Variants in ZDHHC17 observed in about 807,000 individuals in gnomAD.
The protein encoded by ZDHHC17 is zDHHC palmitoyltransferase 17, also known as palmitoyltransferase ZDHHC17.
ZDHHC17 carries 40 observed loss-of-function variants against 90.3 expected under a neutral mutation model. The ratio of observed to expected loss-of-function variants is 0.44; its 90% confidence interval spans 0.34 to 0.58. ZDHHC17 has a LOEUF of 0.58. Among genes scored for constraint, ZDHHC17 ranks in the 20% least tolerant of loss-of-function variants. The probability of loss-of-function intolerance (pLI) is 0.01; values close to 1 mark genes in which losing one functional copy is unlikely to be tolerated. For synonymous variants in ZDHHC17, 235 were observed against 252.4 expected, an observed-to-expected ratio of 0.93 and a Z score of 0.65; for missense variants, 614 against 780.8, an observed-to-expected ratio of 0.79 and a Z score of 2.55.
At position 76,788,688 on chromosome 12, in the gene ZDHHC17, A is replaced by ATTTTTTTTTTT. The variant is rs763269507; in HGVS notation, c.94-8730_94-8720dup. ...AAAATATATTTAAGTTGGAATCGCA[A>ATTTTTTTTTTT]TTTTTTTTTTTTTTTTTTTTTTTTT... is the stretch of plus-strand genomic sequence containing the variant. On this transcript the variant is annotated intron_variant, in intron 1 of 16. Coordinates refer to ENST00000426126, the MANE Select transcript of ZDHHC17 (RefSeq NM_015336.4). Among the ~76,000 whole-genome samples the ATTTTTTTTTTT allele has an allele frequency of 2.6e-3, 257 of 98,660 alleles. 29 individuals are homozygous for ATTTTTTTTTTT. Among genetic ancestry groups the ATTTTTTTTTTT allele is most frequent in the Middle Eastern group, 8.6e-3 (1 of 116 alleles). The allele number at this position is 98,660 out of a possible 152,430, so 64.7% of individuals were successfully genotyped here.
chr12:76,848,054 G>C (rs938610964), intron 14 of ZDHHC17, among the ~76,000 whole-genome samples, 179 bp from the exon 15 acceptor site: 1 of 151,844 alleles, frequency 6.6e-6, no homozygotes, highest in Non-Finnish European at 1.5e-5. Context: ...TTCCATTTCT[G>C]TGTTTTTTCA....
At chr12:76,832,406 T>C (rs967960227) in intron 10 of ZDHHC17, among the ~76,000 whole-genome samples, 2 of 152,234 alleles carry the variant, frequency 1.3e-5, no homozygotes, top group African/African-American at 4.8e-5. Context: ...TAGTTGTTTT[T>C]CATTATTCAC....
chr12:76,773,192 G>A (rs190805755), intron 1 of ZDHHC17, among the ~76,000 whole-genome samples: 1 of 152,160 alleles, frequency 6.6e-6, no homozygotes, highest in African/African-American at 2.4e-5. Flanking sequence ...ATGTGTGTCC[G>A]CCATTATGTT....
chr12:76,791,288 C>T (rs1160779535), intron 1 of ZDHHC17, among the ~76,000 whole-genome samples: 1 of 152,078 alleles, frequency 6.6e-6, no homozygotes, highest in Non-Finnish European at 1.5e-5. Context: ...TGCTTATGCC[C>T]TCTTTTTATT....
At chr12:76,829,455 C>CAAAAAAAAAAAAAAAA (rs58051393) in intron 10 of ZDHHC17, among the ~76,000 whole-genome samples, 2 of 71,904 alleles carry the variant, frequency 2.8e-5, no homozygotes, top group African/African-American at 1.3e-4. Flanking sequence ...GACTATGTCT[C>CAAAAAAAAAAAAAAAA]AAAAAAAAAA....
In ZDHHC17 at chr12:76,853,372, A is replaced by G. The variant is rs1953586824; in HGVS notation, c.*2387A>G. The G allele has an allele frequency of 6.6e-6, 1 of 152,584 alleles. No individual in the cohort carries two copies. The allele number at this position is 152,584 out of a possible 1,614,324, so 9.5% of individuals were successfully genotyped here. A position where few individuals can be genotyped will look rare whatever the true frequency, so the allele number is the denominator to read the frequency against. On this transcript the variant is annotated 3_prime_UTR_variant, in exon 17 of 17. Transcript: ENST00000426126. ...TTTGGGAATAGTTCTTATCAACTTA[A>G]TTGGATACTTTTAGCAAATAGGAAC...
At chr12:76,779,678 GAA>G (rs1409959749) in intron 1 of ZDHHC17, among the ~76,000 whole-genome samples, 2 of 152,110 alleles carry the variant, frequency 1.3e-5, no homozygotes, top group Non-Finnish European at 2.9e-5. Flanking sequence ...TAATTTTGAT[GAA>G]GTCTATTCGA....
At chr12:76,844,261 T>C (rs1288763362) in intron 12 of ZDHHC17, 4 of 152,166 alleles carry the variant, frequency 2.6e-5, no homozygotes, top group African/African-American at 9.6e-5. Flanking sequence ...TATTATATAT[T>C]ATTTATAAGC....
intron 2 of ZDHHC17, among the ~76,000 whole-genome samples, chr12:76,804,064 C>T (rs1289085015): frequency 6.6e-6 from 1 of 152,166 alleles, no homozygotes. Flanking sequence ...AAAAGCTTTA[C>T]AAGGTTTGAC....
intron 1 of ZDHHC17, among the ~76,000 whole-genome samples, chr12:76,784,828 A>G (rs1025895169): frequency 5.9e-5 from 9 of 152,242 alleles, no homozygotes; most frequent in African/African-American, 2.2e-4. Context: ...AGTCAAAGCA[A>G]TGGCTACCAG....
At chr12:76,778,503 A>G (rs962748960) in intron 1 of ZDHHC17, among the ~76,000 whole-genome samples, 9 of 152,182 alleles carry the variant, frequency 5.9e-5, no homozygotes, top group African/African-American at 2.2e-4. Flanking sequence ...GATTACAGGC[A>G]TGAGCCACTG....
intron 1 of ZDHHC17, chr12:76,769,260 A>G (rs145823543): frequency 1.8e-5 from 3 of 165,884 alleles, no homozygotes; most frequent in South Asian, 2.4e-4. Flanking sequence ...GGGTTTCACC[A>G]TGTTGGCCAG....
intron 3 of ZDHHC17, 44 bp downstream of exon 3, chr12:76,805,483 A>G (rs746073039): frequency 3.0e-6 from 4 of 1,347,386 alleles, no homozygotes; most frequent in Non-Finnish European, 4.0e-6. Flanking sequence ...TTGACTTTTT[A>G]TGGTTATAAA....
At chr12:76,765,647 A>G (rs1318307035) in intron 1 of ZDHHC17, among the ~76,000 whole-genome samples, 1 of 152,242 alleles carries the variant, frequency 6.6e-6, no homozygotes. Flanking sequence ...AGTGATTTCT[A>G]TTCATCTGTT....
At position 76,768,005 on chromosome 12, in the gene ZDHHC17, A is replaced by T. The variant is rs12315991; in HGVS notation, c.93+3676A>T. Among the ~76,000 whole-genome samples, 24 of 152,112 alleles carry T rather than the reference A, an allele frequency of 1.6e-4. 1 individual carries two copies. Among genetic ancestry groups the T allele is most frequent in the Middle Eastern group, 6.3e-3 (2 of 316 alleles). ...GTCAAAGTACATTTTTCTCATTTGT[A>T]AAGTTGGGTTAATAGTGACACCTTT... On this transcript the variant is annotated intron_variant, in intron 1 of 16. Transcript: ENST00000426126.
chr12:76,818,969 A>G (rs1354076518), intron 7 of ZDHHC17, among the ~76,000 whole-genome samples: 9 of 152,226 alleles, frequency 5.9e-5, no homozygotes, highest in Admixed American at 5.9e-4. Flanking sequence ...GTTGCAATAA[A>G]TCAGACAAGT....
At chr12:76,799,143 A>AAC (rs1952857648) in intron 2 of ZDHHC17, among the ~76,000 whole-genome samples, 1 of 152,146 alleles carries the variant, frequency 6.6e-6, no homozygotes, top group Non-Finnish European at 1.5e-5. Flanking sequence ...TCTCAAAAAA[A>AAC]ACAAGCAAAA....
chr12:76,764,570 G>A (rs904244662), intron 1 of ZDHHC17: 2 of 575,186 alleles, frequency 3.5e-6, no homozygotes, highest in East Asian at 2.9e-5. Flanking sequence ...GGAGGACAGA[G>A]GTGGAGGTGT....
At chr12:76,844,757 AGTGT>A (rs1953474055) in intron 12 of ZDHHC17, 1 of 152,152 alleles carries the variant, frequency 6.6e-6, no homozygotes, top group African/African-American at 2.4e-5. Context: ...ACCTCAAAAT[AGTGT>A]GTAACTTTAT....
Sources: allele counts gnomAD v4.1 joint callset (sites outside exome capture counted in the v4.1 genomes callset), GRCh38; gene constraint gnomAD v4.1.1; transcripts MANE v1.5; gene names NCBI Gene and HGNC (gene_info 2026-07-23, HGNC 2026-07-21).